ANKRD12: variants seen among roughly 807,000 people sequenced by gnomAD.
ANKRD12 encodes ankyrin repeat domain 12.
Under a neutral mutation model 183.4 loss-of-function variants are expected in ANKRD12, and 85 were observed. The ratio of observed to expected loss-of-function variants is 0.46; its 90% CI spans 0.39 to 0.56. ANKRD12 has a LOEUF of 0.56. Among genes scored for constraint, ANKRD12 ranks in the 20% least tolerant of loss-of-function variants. The pLI, the probability that ANKRD12 is intolerant of heterozygous loss-of-function variation, is 0.00. For missense variants in ANKRD12, 2,405 were observed against 2,357.1 expected, an observed-to-expected ratio of 1.02 and a Z score of -0.42; for synonymous variants, 914 against 800.2, an observed-to-expected ratio of 1.14 and a Z score of -2.40.
chr18:9,275,009 C>G (rs751040581), intron 10 of ANKRD12, among the ~76,000 whole-genome samples: 14 of 150,876 alleles, frequency 9.3e-5, no homozygotes, highest in Non-Finnish European at 7.4e-5. Context: ...ATAGTGAGAC[C>G]CCTGTTTCTA....
chr18:9,176,343 G>A (rs1488534192), intron 1 of ANKRD12, among the ~76,000 whole-genome samples: 1 of 152,062 alleles, frequency 6.6e-6, no homozygotes, highest in Non-Finnish European at 1.5e-5. Context: ...CCAGGCCAGA[G>A]TGCAGTGTGC....
At chr18:9,139,187 T>C (rs2078232288) in intron 1 of ANKRD12, among the ~76,000 whole-genome samples, 1 of 152,172 alleles carries the variant, frequency 6.6e-6, no homozygotes, top group Non-Finnish European at 1.5e-5. Flanking sequence ...GGAAAGAATT[T>C]AGCTGAAAAT....
intron 9 of ANKRD12, among the ~76,000 whole-genome samples, chr18:9,259,159 G>A (rs891944108): frequency 2.6e-5 from 4 of 152,118 alleles, no homozygotes; most frequent in Non-Finnish European, 5.9e-5. Flanking sequence ...AGTGACATAG[G>A]CTTCAAATAC....
chr18:9,197,662 A>C (rs1052478000), intron 3 of ANKRD12, among the ~76,000 whole-genome samples: 1 of 152,226 alleles, frequency 6.6e-6, no homozygotes, highest in Non-Finnish European at 1.5e-5. Flanking sequence ...CTAGAGAAAA[A>C]AATGTTACTT....
chr18:9,186,750 CTT>C lies in ANKRD12; in HGVS notation c.87+4250_87+4251del, dbSNP rs759387137. ...TTGCAATGTGTATTTCTTTGATTGT[CTT>C]TTTTTTTTTTTTTTTTTTGACGGAG... On this transcript the variant is annotated intron_variant, in intron 2 of 12. Coordinates refer to ENST00000262126, the MANE Select transcript of ANKRD12 (RefSeq NM_015208.5). Among the ~76,000 whole-genome samples, 835 of 117,226 alleles carry C rather than the reference CTT, an allele frequency of 7.1e-3. 2 individuals are homozygous for C. The highest frequency in any genetic ancestry group is 0.011 in the Non-Finnish European group (596 of 56,286). The allele number at this position is 117,226 out of a possible 152,430, so 76.9% of individuals were successfully genotyped here.
intron 1 of ANKRD12, among the ~76,000 whole-genome samples, chr18:9,138,625 C>A (rs1162023947): frequency 1.3e-5 from 2 of 152,206 alleles, no homozygotes; most frequent in Admixed American, 1.3e-4. Flanking sequence ...CAAAGCCTTT[C>A]CTGGAGATTA....
At chr18:9,232,180 T>G (rs976184981) in intron 8 of ANKRD12, among the ~76,000 whole-genome samples, 1 of 152,248 alleles carries the variant, frequency 6.6e-6, no homozygotes, top group Non-Finnish European at 1.5e-5. Context: ...CATTTGATTA[T>G]TTTCTCTTTC....
At chr18:9,278,152 T>TA (rs1341993125) in intron 11 of ANKRD12, among the ~76,000 whole-genome samples, 1 of 152,210 alleles carries the variant, frequency 6.6e-6, no homozygotes, top group African/African-American at 2.4e-5. Context: ...AAACTTATGC[T>TA]AAAAACATTT....
At chr18:9,246,673 A>G (rs768406607) in intron 8 of ANKRD12, among the ~76,000 whole-genome samples, 3 of 152,206 alleles carry the variant, frequency 2.0e-5, no homozygotes, top group Non-Finnish European at 2.9e-5. Flanking sequence ...TATGTGCTTT[A>G]TTGAATTTGG....
At chr18:9,170,691 G>A (rs1001215831) in intron 1 of ANKRD12, among the ~76,000 whole-genome samples, 1 of 151,816 alleles carries the variant, frequency 6.6e-6, no homozygotes, top group Non-Finnish European at 1.5e-5. Flanking sequence ...ATCTTCTGAA[G>A]CCTTCTCTCA....
intron 8 of ANKRD12, among the ~76,000 whole-genome samples, chr18:9,227,667 G>T (rs1015698697): frequency 3.9e-5 from 6 of 152,162 alleles, no homozygotes; most frequent in African/African-American, 1.4e-4. Flanking sequence ...TTATTATGAT[G>T]ATTTTCCCCT....
In ANKRD12 at chr18:9,281,351, AG is replaced by A. The variant is rs2040099866; in HGVS notation, c.*227del. ...AGAAAACTATTATTTATATTGGGAAAGGTAACTATTGCATTAGAGCATGTTG... is the reference window on the plus strand; with the variant it reads ...AGAAAACTATTATTTATATTGGGAAAGTAACTATTGCATTAGAGCATGTTG... On this transcript the variant is annotated 3_prime_UTR_variant, in exon 13 of 13. Transcript: ENST00000262126. The A allele has an allele frequency of 2.6e-6, 1 of 383,288 alleles. No homozygotes were observed. Among genetic ancestry groups the A allele is most frequent in the African/African-American group, 2.1e-5 (1 of 47,480 alleles). The allele number at this position is 383,288 out of a possible 1,614,324, so 23.7% of individuals were successfully genotyped here.
At chr18:9,193,035 C>T (rs1325183196) in intron 2 of ANKRD12, among the ~76,000 whole-genome samples, 1 of 151,818 alleles carries the variant, frequency 6.6e-6, no homozygotes, top group East Asian at 1.9e-4. Flanking sequence ...CCCTTCCTGT[C>T]ATCCTGTCAT....
At chr18:9,233,729 A>T (rs541170786) in intron 8 of ANKRD12, among the ~76,000 whole-genome samples, 13 of 152,324 alleles carry the variant, frequency 8.5e-5, no homozygotes, top group Admixed American at 7.2e-4. Flanking sequence ...TTTAGGGTGC[A>T]GTTAGTGGAG....
intron 1 of ANKRD12, among the ~76,000 whole-genome samples, chr18:9,141,383 A>G (rs1379324224): frequency 1.3e-5 from 2 of 152,246 alleles, no homozygotes; most frequent in East Asian, 1.9e-4. Flanking sequence ...GTGACTGAAG[A>G]AAAAGCTAAC....
At chr18:9,225,013 G>A (rs1022728844) in intron 8 of ANKRD12, among the ~76,000 whole-genome samples, 1 of 152,046 alleles carries the variant, frequency 6.6e-6, no homozygotes, top group African/African-American at 2.4e-5. Flanking sequence ...GAACCCAGGA[G>A]TTTGAGACTA....
chr18:9,251,261 C>A (rs1310735165), intron 8 of ANKRD12, among the ~76,000 whole-genome samples: 1 of 152,174 alleles, frequency 6.6e-6, no homozygotes, highest in Non-Finnish European at 1.5e-5. Flanking sequence ...GCATCAGCCA[C>A]ATCTGCTTCA....
chr18:9,140,781 T>G (rs946173693), intron 1 of ANKRD12, among the ~76,000 whole-genome samples: 1 of 152,196 alleles, frequency 6.6e-6, no homozygotes, highest in Non-Finnish European at 1.5e-5. Context: ...ACCTCAGTAT[T>G]GTAGTATTAC....
chr18:9,150,664 T>C (rs916383866), intron 1 of ANKRD12, among the ~76,000 whole-genome samples: 5 of 152,168 alleles, frequency 3.3e-5, no homozygotes, highest in Admixed American at 1.3e-4. Context: ...TTTTTATTAT[T>C]ATTTTTTGAG....
Sources: allele counts gnomAD v4.1 joint callset (sites outside exome capture counted in the v4.1 genomes callset), GRCh38; gene constraint gnomAD v4.1.1; transcripts MANE v1.5; gene names NCBI Gene and HGNC (gene_info 2026-07-23, HGNC 2026-07-21).